Variants in IL23R observed in about 807,000 individuals in gnomAD.
IL23R encodes the protein interleukin 23 receptor.
Under a neutral mutation model 56.9 loss-of-function variants are expected in IL23R, and 34 were observed. The ratio of observed to expected loss-of-function variants is 0.60; its 90% CI spans 0.45 to 0.80. The LOEUF is 0.80. Ranked by LOEUF, IL23R falls within the 30% of genes least tolerant of loss-of-function variation. The pLI is 0.00. For missense variants in IL23R, 635 were observed against 730.0 expected, an observed-to-expected ratio of 0.87 and a Z score of 1.50; for synonymous variants, 230 against 249.2, an observed-to-expected ratio of 0.92 and a Z score of 0.73.
chr1:67,211,686 C>G (rs1167932949), intron 6 of IL23R, among the ~76,000 whole-genome samples: 1 of 151,270 alleles, frequency 6.6e-6, no homozygotes, highest in Non-Finnish European at 1.5e-5. Context: ...ATGTAATAGA[C>G]TAGAAAAAGT....
chr1:67,166,178 A>C (rs908589866), upstream of IL23R, among the ~76,000 whole-genome samples: 1 of 152,250 alleles, frequency 6.6e-6, no homozygotes, highest in African/African-American at 2.4e-5. Flanking sequence ...ACTAAGCGTC[A>C]TATTTTTGGT....
In IL23R at chr1:67,144,145, G is replaced by A. The variant is rs576306716; in HGVS notation, c.-634+4984G>A. On this transcript the variant is annotated intron_variant, in intron 1 of 10. Coordinates refer to the IL23R transcript ENST00000637002. ...TGAAGCTACTGTTACTATATTGTGGGTTTTCAGAATGATTCTTTCTTTCAA... is the reference window on the plus strand; with the variant it reads ...TGAAGCTACTGTTACTATATTGTGGATTTTCAGAATGATTCTTTCTTTCAA... Among the ~76,000 whole-genome samples, 3 of 152,292 alleles carry A rather than the reference G, an allele frequency of 2.0e-5. No individual in the cohort carries two copies. In the South Asian group the frequency reaches 6.2e-4, roughly 32 times the overall value.
chr1:67,226,421 G>C (rs1650621763), intron 7 of IL23R, among the ~76,000 whole-genome samples: 1 of 152,130 alleles, frequency 6.6e-6, no homozygotes, highest in Admixed American at 6.5e-5. Flanking sequence ...GTGGGAGGAT[G>C]ATCTTCCCCT....
rs747205136 is a variant in IL23R at position 67,219,588 on chromosome 1, C to T, written c.813C>T (p.Asp271=). The change falls in exon 7 of 11, where the codon GAC becomes GAT. Residue 271 remains aspartate, a synonymous_variant. Transcript: ENST00000347310. The stretch of plus-strand genomic sequence containing the variant: ...ATCCATTTTAGGTTAAAGAATTTGA[C>T]ACCAATTTTACATATGTGCAACAGT... ...TNQTWNVKEF[D]TNFTYVQQSE... 5 of 1,613,848 alleles carry T rather than the reference C, an allele frequency of 3.1e-6. No individual in the cohort carries two copies. Among genetic ancestry groups the T allele is most frequent in the Non-Finnish European group, 4.2e-6 (5 of 1,179,836 alleles).
chr1:67,203,400 C>T (rs1342584600), intron 5 of IL23R, among the ~76,000 whole-genome samples: 1 of 152,180 alleles, frequency 6.6e-6, no homozygotes, highest in East Asian at 1.9e-4. Context: ...CATCTGGCCT[C>T]TACTTCCAGA....
chr1:67,183,048 TC>T, intron 4 of IL23R, 89 bp downstream of exon 4: 1 of 1,438,802 alleles, frequency 7.0e-7, no homozygotes, highest in Non-Finnish European at 9.7e-7. Context: ...GAAATCAGCC[TC>T]AAACATTAAA....
At position 67,236,842 on chromosome 1, in the gene IL23R, G is replaced by A. The variant is rs545914192; in HGVS notation, c.1045+40G>A. The A allele has an allele frequency of 3.7e-5, 49 of 1,312,832 alleles. No homozygotes were observed. In the South Asian group the frequency reaches 5.1e-4, roughly 14 times the overall value. The allele number at this position is 1,312,832 out of a possible 1,614,324, so 81.3% of individuals were successfully genotyped here. The stretch of plus-strand genomic sequence containing the variant: ...CTTAGGCTTTTTGAGTAGTCTTTTA[G>A]TAATTGCCCATTTTAACCCATCATA... On this transcript the variant is annotated intron_variant, in intron 8 of 10. Transcript: ENST00000347310.
intron 7 of IL23R, among the ~76,000 whole-genome samples, chr1:67,235,421 T>G (rs1651409909): frequency 6.8e-6 from 1 of 148,036 alleles, no homozygotes; most frequent in African/African-American, 2.5e-5. Context: ...TGAAATGGAG[T>G]CTCCCTCTGT....
intron 4 of IL23R, among the ~76,000 whole-genome samples, chr1:67,199,964 C>T (rs976425938): frequency 6.6e-6 from 1 of 152,184 alleles, no homozygotes; most frequent in Admixed American, 6.5e-5. Context: ...TGCTTGAGTC[C>T]AGGAGTTTGA....
chr1:67,200,655 G>A (rs1291235235), intron 4 of IL23R, 82 bp from the exon 5 acceptor site: 1 of 1,423,952 alleles, frequency 7.0e-7, no homozygotes, highest in Admixed American at 1.8e-5. Flanking sequence ...AAAATGCTAG[G>A]ATTACAGGTG....
At chr1:67,163,468 CAAAAAAAAAAAAAAAAAAAA>C (rs57495148), upstream of IL23R, among the ~76,000 whole-genome samples, 1 of 49,586 alleles carries the variant, frequency 2.0e-5, no homozygotes, top group African/African-American at 9.7e-5. Context: ...GACCCTGTCT[CAAAAAAAAAAAAAAAAAAAA>C]AAAAAAAAAA....
chr1:67,186,646 T>C (rs190362825), intron 4 of IL23R, among the ~76,000 whole-genome samples: 7 of 152,358 alleles, frequency 4.6e-5, no homozygotes. Flanking sequence ...AGGTTATCTA[T>C]GGTGTAACAT....
intron 4 of IL23R, among the ~76,000 whole-genome samples, chr1:67,186,849 G>C (rs1647373799): frequency 6.6e-6 from 1 of 152,140 alleles, no homozygotes; most frequent in African/African-American, 2.4e-5. Context: ...TGGAACTCCT[G>C]AGCTCAGGCA....
At chr1:67,256,002 T>A in intron 10 of IL23R, 75 bp downstream of exon 10, 1 of 840,796 alleles carries the variant, frequency 1.2e-6, no homozygotes, top group South Asian at 1.4e-5. Flanking sequence ...AGAATAGAAT[T>A]TCCATTCAAA....
chr1:67,263,206 A>G (rs1291322386), downstream of IL23R, among the ~76,000 whole-genome samples: 1 of 142,392 alleles, frequency 7.0e-6, no homozygotes, highest in Non-Finnish European at 1.5e-5. Context: ...CAATTCCCCT[A>G]TCCCAGCCTC....
At chr1:67,214,075 GGC>G (rs1387225219) in intron 6 of IL23R, among the ~76,000 whole-genome samples, 1 of 152,218 alleles carries the variant, frequency 6.6e-6, no homozygotes, top group African/African-American at 2.4e-5. Context: ...GAGAGACTGA[GGC>G]AGGAAGATCA....
At chr1:67,176,503 C>A (rs1423527700) in intron 3 of IL23R, among the ~76,000 whole-genome samples, 1 of 151,946 alleles carries the variant, frequency 6.6e-6, no homozygotes, top group African/African-American at 2.4e-5. Flanking sequence ...TTGAGACATA[C>A]TAATTTAAAA....
At chr1:67,175,458 T>C (rs1163775428) in intron 3 of IL23R, among the ~76,000 whole-genome samples, 1 of 152,160 alleles carries the variant, frequency 6.6e-6, no homozygotes, top group Non-Finnish European at 1.5e-5. Flanking sequence ...AACCCTCTTA[T>C]TGCAAATGGA....
At chr1:67,255,237 T>C (rs1400265265) in intron 9 of IL23R, among the ~76,000 whole-genome samples, 1 of 152,218 alleles carries the variant, frequency 6.6e-6, no homozygotes. Flanking sequence ...CTATTTAATA[T>C]GTGTACGGTT....
Sources: allele counts gnomAD v4.1 joint callset (sites outside exome capture counted in the v4.1 genomes callset), GRCh38; gene constraint gnomAD v4.1.1; transcripts MANE v1.5; gene names NCBI Gene and HGNC (gene_info 2026-07-23, HGNC 2026-07-21).